Variants in NARS2 observed in about 807,000 individuals in gnomAD.
NARS2 encodes the protein asparaginyl-tRNA synthetase.
In NARS2, 60 loss-of-function variants were observed where a neutral mutation model predicts 62.9. The ratio of observed to expected loss-of-function variants is 0.95; its 90% CI spans 0.77 to 1.18. The LOEUF (loss-of-function observed/expected upper bound fraction) is 1.18, where lower values mean the gene tolerates loss of function less well. NARS2 is among the 50% of genes most tolerant of loss of function. The pLI, the probability that NARS2 is intolerant of heterozygous loss-of-function variation, is 0.00. For synonymous variants in NARS2, 196 were observed against 200.0 expected (o/e 0.98, Z 0.17); for missense variants, 619 against 576.4 (o/e 1.07, Z -0.76).
intron 11 of NARS2, among the ~76,000 whole-genome samples, chr11:78,460,196 G>C (rs1858339776): frequency 1.3e-5 from 2 of 151,970 alleles, no homozygotes. Flanking sequence ...CGACATAAAG[G>C]ATTTTGGCTT....
chr11:78,542,364 C>T (rs1181257378), intron 5 of NARS2, among the ~76,000 whole-genome samples: 2 of 152,108 alleles, frequency 1.3e-5, no homozygotes, highest in African/African-American at 2.4e-5. Flanking sequence ...GAGATAAACA[C>T]AAATGTAAAA....
chr11:78,465,774 A>C, intron 11 of NARS2, 102 bp downstream of exon 11: 3 of 1,284,554 alleles, frequency 2.3e-6, no homozygotes, highest in East Asian at 2.4e-5. Context: ...TATCATTTTA[A>C]GAGATAGAGT....
At chr11:78,529,177 C>T (rs915679020) in intron 5 of NARS2, among the ~76,000 whole-genome samples, 5 of 152,112 alleles carry the variant, frequency 3.3e-5, no homozygotes, top group South Asian at 2.1e-4. Context: ...GACCAAAGTA[C>T]CTTTGTCACA....
intron 6 of NARS2, among the ~76,000 whole-genome samples, chr11:78,499,102 G>C (rs1243503949): frequency 6.6e-6 from 1 of 151,616 alleles, no homozygotes; most frequent in Non-Finnish European, 1.5e-5. Context: ...ATTTTCAGTA[G>C]AGACGGGGTT....
chr11:78,465,232 T>C (rs1316157187), intron 11 of NARS2, among the ~76,000 whole-genome samples: 1 of 152,192 alleles, frequency 6.6e-6, no homozygotes, highest in African/African-American at 2.4e-5. Flanking sequence ...CACCTGGAAC[T>C]CGCACTGGCC....
chr11:78,479,680 A>G (rs1859265013), intron 7 of NARS2, among the ~76,000 whole-genome samples: 1 of 152,250 alleles, frequency 6.6e-6, no homozygotes, highest in Non-Finnish European at 1.5e-5. Flanking sequence ...CGTCTTCTAA[A>G]TGGTGTATTC....
chr11:78,481,896 C>T (rs1285552171), intron 7 of NARS2, among the ~76,000 whole-genome samples: 1 of 152,094 alleles, frequency 6.6e-6, no homozygotes, highest in East Asian at 1.9e-4. Flanking sequence ...AAGTGTATAT[C>T]ACAATTAACT....
intron 5 of NARS2, among the ~76,000 whole-genome samples, chr11:78,535,317 T>A (rs1013960080): frequency 5.9e-5 from 9 of 152,230 alleles, no homozygotes; most frequent in Non-Finnish European, 1.0e-4. Context: ...TTCATCTACT[T>A]TGATCCCATC....
chr11:78,545,145 AT>A (rs1855811681), intron 5 of NARS2, among the ~76,000 whole-genome samples: 1 of 152,156 alleles, frequency 6.6e-6, no homozygotes, highest in Non-Finnish European at 1.5e-5. Flanking sequence ...TCTTTTTTAT[AT>A]TAAGTTGGAA....
At chr11:78,568,421 C>T (rs1174847107) in intron 3 of NARS2, among the ~76,000 whole-genome samples, 1 of 152,070 alleles carries the variant, frequency 6.6e-6, no homozygotes, top group Admixed American at 6.6e-5. Context: ...TGACACACAC[C>T]ACAGAGATGC....
chr11:78,493,099 C>T lies in NARS2; in HGVS notation c.786G>A (p.Glu262=). ...CTTGAAGGCTGTCAACAAAAGAAAT[C>T]TCTGCTTCTATCATATAAAACTCTG... is the stretch of plus-strand genomic sequence containing the variant. ...HLAEFYMIEA[E]ISFVDSLQDL... Residue 262 remains glutamate, a synonymous_variant, in exon 7 of 14, where the codon GAG becomes GAA. Transcript: ENST00000281038. The T allele has an allele frequency of 1.2e-6, 2 of 1,613,732 alleles. No homozygotes were observed. Among genetic ancestry groups the T allele is most frequent in the East Asian group, 2.2e-5 (1 of 44,868 alleles).
At chr11:78,449,560 C>T (rs140566875) in intron 11 of NARS2, among the ~76,000 whole-genome samples, 121 of 152,244 alleles carry the variant, frequency 7.9e-4, no homozygotes, top group African/African-American at 2.8e-3. Flanking sequence ...ACTATTGCTG[C>T]ACTTAGTATA....
Position 78,516,254 on chromosome 11 carries a change from T to C in NARS2, c.689+12588A>G, listed in dbSNP as rs114843753. 1.0e-3 allele frequency among the ~76,000 whole-genome samples: 158 copies of C among 152,268 alleles called. 1 individual carries two copies. Among genetic ancestry groups the C allele is most frequent in the Middle Eastern group, 6.8e-3 (2 of 294 alleles). On this transcript the variant is annotated intron_variant, in intron 6 of 13. Coordinates refer to ENST00000281038, the MANE Select transcript of NARS2 (RefSeq NM_024678.6). ...AACATGTATTAGGATAACTAAAAAA[T>C]TGTACACCATAAAATGCTCTACAAT...
intron 1 of NARS2, among the ~76,000 whole-genome samples, chr11:78,572,401 C>A (rs539969507): frequency 2.0e-5 from 3 of 152,194 alleles, no homozygotes; most frequent in Admixed American, 1.3e-4. Context: ...TCTAAATAGT[C>A]CAGGACATAG....
chr11:78,478,188 A>G (rs555164546), intron 9 of NARS2, among the ~76,000 whole-genome samples: 11 of 152,184 alleles, frequency 7.2e-5, no homozygotes, highest in African/African-American at 2.2e-4. Context: ...TTATCTTGCT[A>G]TGATTTATTA....
chr11:78,568,082 C>G (rs1856802528), intron 3 of NARS2, among the ~76,000 whole-genome samples: 1 of 152,194 alleles, frequency 6.6e-6, no homozygotes, highest in Admixed American at 6.5e-5. Context: ...TCTATTCGGC[C>G]TAAGCCTTAC....
At chr11:78,444,727 C>CAAAGGAAAAAAA (rs56788561) in intron 11 of NARS2, among the ~76,000 whole-genome samples, 24 of 92,412 alleles carry the variant, frequency 2.6e-4, no homozygotes, top group African/African-American at 7.9e-4. Context: ...TCAAACAAAA[C>CAAAGGAAAAAAA]AAAAAAAAAA....
chr11:78,479,446 C>G (rs1455658666), intron 7 of NARS2, among the ~76,000 whole-genome samples: 2 of 152,014 alleles, frequency 1.3e-5, no homozygotes, highest in Non-Finnish European at 2.9e-5. Context: ...GAGGTTGAGG[C>G]TACAGTGAGC....
intron 9 of NARS2, among the ~76,000 whole-genome samples, chr11:78,471,999 G>C (rs1858899296): frequency 6.6e-6 from 1 of 152,014 alleles, no homozygotes; most frequent in Non-Finnish European, 1.5e-5. Context: ...AAATATGAGA[G>C]CAGTCAAAAT....
Sources: gnomAD v4.1 joint callset for allele counts (sites outside exome capture counted in the v4.1 genomes callset) on GRCh38, gnomAD v4.1.1 for gene constraint, MANE v1.5 for transcripts, NCBI Gene and HGNC (gene_info 2026-07-23, HGNC 2026-07-21) for gene names.